AFF3: variants seen among roughly 807,000 people sequenced by gnomAD.
The protein encoded by AFF3 is AF4/FMR2 family member 3.
AFF3 carries 32 observed loss-of-function variants against 129.7 expected under a neutral mutation model. The ratio of observed to expected loss-of-function variants is 0.25; its 90% CI spans 0.19 to 0.33. The LOEUF (loss-of-function observed/expected upper bound fraction) is 0.33, where lower values mean the gene tolerates loss of function less well. Among genes scored for constraint, AFF3 ranks in the 10% least tolerant of loss-of-function variants. AFF3 has a pLI of 1.00. For missense variants in AFF3, 1,373 were observed against 1,592.0 expected (o/e 0.86, Z 2.34); for synonymous variants, 644 against 635.4 (o/e 1.01, Z -0.20).
chr2:99,725,419 T>G (rs1366330168), intron 11 of AFF3, among the ~76,000 whole-genome samples: 2 of 152,228 alleles, frequency 1.3e-5, no homozygotes, highest in South Asian at 4.1e-4. Context: ...AGTGGCATGA[T>G]CCTGGGTTTA....
At chr2:100,078,944 C>CTTTTTTTTTTTTTTTTTTT in intron 4 of AFF3, among the ~76,000 whole-genome samples, 1 of 131,210 alleles carries the variant, frequency 7.6e-6, no homozygotes, top group Non-Finnish European at 1.6e-5. Flanking sequence ...TGAATATTTT[C>CTTTTTTTTTTTTTTTTTTT]TTTTTTTTTT....
intron 10 of AFF3, among the ~76,000 whole-genome samples, chr2:99,731,698 T>C (rs1271450010): frequency 6.6e-6 from 1 of 152,192 alleles, no homozygotes; most frequent in Non-Finnish European, 1.5e-5. Flanking sequence ...TGCAATATTG[T>C]GACAATATAA....
intron 7 of AFF3, among the ~76,000 whole-genome samples, chr2:99,885,104 T>C (rs1693008502): frequency 6.6e-6 from 1 of 152,188 alleles, no homozygotes; most frequent in African/African-American, 2.4e-5. Flanking sequence ...GATAAATCTA[T>C]AGTCCTCAGA....
At chr2:99,585,446 A>T (rs1678004539) in intron 16 of AFF3, among the ~76,000 whole-genome samples, 1 of 152,170 alleles carries the variant, frequency 6.6e-6, no homozygotes, top group South Asian at 2.1e-4. Flanking sequence ...CTCAGAATGT[A>T]CTCTAAGCAT....
intron 7 of AFF3, among the ~76,000 whole-genome samples, chr2:99,959,718 T>C (rs1201473071): frequency 7.0e-6 from 1 of 142,946 alleles, no homozygotes; most frequent in Admixed American, 6.9e-5. Context: ...TATATATATA[T>C]ATATGCGATT....
intron 2 of AFF3, among the ~76,000 whole-genome samples, chr2:100,127,141 A>G (rs1692226387): frequency 1.3e-5 from 2 of 152,192 alleles, no homozygotes; most frequent in Admixed American, 6.5e-5. Flanking sequence ...CTGCAATCAC[A>G]GTTCATCCAG....
chr2:100,104,961 G>C (rs1283897735), intron 3 of AFF3: 1 of 150,848 alleles, frequency 6.6e-6, no homozygotes, highest in Non-Finnish European at 1.4e-5. Flanking sequence ...GCCGCTCCTC[G>C]GGGTCCCGCG....
intron 8 of AFF3, among the ~76,000 whole-genome samples, chr2:99,782,950 T>C (rs1187318055): frequency 6.6e-6 from 1 of 152,252 alleles, no homozygotes; most frequent in Non-Finnish European, 1.5e-5. Context: ...AGTCTGTCTT[T>C]CCTTGCTGTT....
chr2:99,614,267 A>G (rs1681205883), intron 13 of AFF3, among the ~76,000 whole-genome samples: 1 of 152,258 alleles, frequency 6.6e-6, no homozygotes, highest in African/African-American at 2.4e-5. Context: ...CACATTTAGC[A>G]GAGGAGAAAC....
intron 14 of AFF3, among the ~76,000 whole-genome samples, chr2:99,599,880 C>A (rs757983276): frequency 6.6e-6 from 1 of 152,050 alleles, no homozygotes; most frequent in Non-Finnish European, 1.5e-5. Context: ...TTTGAATTAT[C>A]CCCATTAGAA....
chr2:99,974,794 G>A (rs1206184481), intron 7 of AFF3, among the ~76,000 whole-genome samples: 1 of 152,190 alleles, frequency 6.6e-6, no homozygotes, highest in East Asian at 1.9e-4. Context: ...ATCTGTTGGA[G>A]TCCCTTCTCC....
intron 7 of AFF3, among the ~76,000 whole-genome samples, chr2:99,928,476 TAC>T (rs1696434560): frequency 6.6e-6 from 1 of 152,158 alleles, no homozygotes; most frequent in Non-Finnish European, 1.5e-5. Context: ...TCACAGCACA[TAC>T]TCACCTAATT....
At chr2:99,884,931 A>AT (rs1692995131) in intron 7 of AFF3, among the ~76,000 whole-genome samples, 1 of 152,126 alleles carries the variant, frequency 6.6e-6, no homozygotes, top group South Asian at 2.1e-4. Context: ...GTATTCCCAC[A>AT]TTTTTTGTGT....
At chr2:99,655,554 A>G (rs573462980) in intron 12 of AFF3, among the ~76,000 whole-genome samples, 3 of 152,110 alleles carry the variant, frequency 2.0e-5, no homozygotes, top group Non-Finnish European at 4.4e-5. Context: ...CGGTTCGGCA[A>G]GTGGTAGGGA....
intron 7 of AFF3, among the ~76,000 whole-genome samples, chr2:99,915,721 T>TA (rs926856407): frequency 1.3e-5 from 2 of 152,146 alleles, no homozygotes; most frequent in Admixed American, 1.3e-4. Flanking sequence ...ACTTCTTTCA[T>TA]AAAAAAATAA....
chr2:99,564,461 C>T (rs995342194), intron 20 of AFF3, among the ~76,000 whole-genome samples: 1 of 152,128 alleles, frequency 6.6e-6, no homozygotes, highest in Non-Finnish European at 1.5e-5. Flanking sequence ...ATAAAGGATT[C>T]ACCAATATAT....
intron 4 of AFF3, among the ~76,000 whole-genome samples, chr2:100,065,401 T>C (rs986419857): frequency 4.6e-5 from 7 of 152,184 alleles, no homozygotes; most frequent in African/African-American, 1.4e-4. Flanking sequence ...TTCTTACGCA[T>C]GCATTTAAAC....
rs190637785 is a variant in AFF3, at chr2:99,795,812, G to A, written c.921+41665C>T. ...ACATTAACTTCCTCTAGGTCTACAC[G>A]GTGCTTTGCACCTGATTTGGCTTGC... On this transcript the variant is annotated intron_variant, in intron 8 of 24. Transcript: ENST00000672756. Among the ~76,000 whole-genome samples the A allele has an allele frequency of 5.7e-4, 87 of 151,806 alleles. 1 individual carries two copies. Among genetic ancestry groups the A allele is most frequent in the South Asian group, 5.2e-3 (25 of 4,800 alleles).
chr2:100,005,602 A>G (rs1205416316), intron 7 of AFF3, among the ~76,000 whole-genome samples: 1 of 152,210 alleles, frequency 6.6e-6, no homozygotes, highest in East Asian at 1.9e-4. Flanking sequence ...CATTTTCTAG[A>G]ATCTATCATA....
Sources: allele counts gnomAD v4.1 joint callset (sites outside exome capture counted in the v4.1 genomes callset), GRCh38; gene constraint gnomAD v4.1.1; transcripts MANE v1.5; gene names NCBI Gene and HGNC (gene_info 2026-07-23, HGNC 2026-07-21).